The following CCDC88A variants were observed in gnomAD, a reference collection of about 807,000 sequenced individuals.
CCDC88A encodes the protein coiled-coil and HOOK domain protein 88A.
CCDC88A carries 54 observed loss-of-function variants against 234.3 expected under a neutral mutation model. The observed-to-expected ratio is 0.23, with a 90% CI of 0.19 to 0.29. The LOEUF is 0.29. Among genes scored for constraint, CCDC88A ranks in the 10% least tolerant of loss-of-function variants. The pLI, the probability that CCDC88A is intolerant of heterozygous loss-of-function variation, is 1.00. For synonymous variants in CCDC88A, 753 were observed against 737.8 expected, an observed-to-expected ratio of 1.02 and a Z score of -0.33; for missense variants, 1,832 against 2,123.4, an observed-to-expected ratio of 0.86 and a Z score of 2.70.
chr2:55,358,420 G>A (rs1346027244), intron 7 of CCDC88A, among the ~76,000 whole-genome samples: 1 of 152,136 alleles, frequency 6.6e-6, no homozygotes, highest in Non-Finnish European at 1.5e-5. Flanking sequence ...AGAAAAACAA[G>A]AAGTTACACA....
intron 5 of CCDC88A, among the ~76,000 whole-genome samples, chr2:55,367,985 A>AAC (rs1337872513): frequency 6.6e-6 from 1 of 152,228 alleles, no homozygotes; most frequent in African/African-American, 2.4e-5. Context: ...CTAAAAAGAG[A>AAC]TGAATTTCAC....
At chr2:55,343,949 CG>C (rs1558706810) in intron 11 of CCDC88A, 157 bp from the exon 12 acceptor site, 1 of 570,932 alleles carries the variant, frequency 1.8e-6, no homozygotes, top group African/African-American at 1.9e-5. Flanking sequence ...TAATTATTAC[CG>C]GTCATTATAC....
Position 55,334,782 on chromosome 2 carries a change from T to G in CCDC88A, c.2039A>C (p.Asp680Ala). 2 of 1,592,528 alleles carry G rather than the reference T, an allele frequency of 1.3e-6. No individual in the cohort carries two copies. Among genetic ancestry groups the G allele is most frequent in the Non-Finnish European group, 1.7e-6 (2 of 1,172,696 alleles). ...RENRKLKKTLDSFKNLTFQLE... is the reference protein window; with the variant it reads ...RENRKLKKTLASFKNLTFQLE... ...CTGAAAGGTCAGATTTTTAAAGCTATCCAATGTTTTTTTTAATTTTCTATT... is the reference window on the plus strand; with the variant it reads ...CTGAAAGGTCAGATTTTTAAAGCTAGCCAATGTTTTTTTTAATTTTCTATT... The change falls in exon 15 of 33, where the codon GAT (aspartate) becomes GCT (alanine). Residue 680 changes from aspartate (D) to alanine (A), a missense_variant. Around this residue, in one of 6 missense-constraint regions of CCDC88A, gnomAD observed 1,282 missense variants for 1,543.6 expected, o/e 0.83. Transcript: ENST00000436346. The surrounding 1 kb of genome is among the most constrained non-coding windows in gnomAD (Gnocchi z 6.1).
chr2:55,327,235 C>CTA (rs1684380087), intron 17 of CCDC88A, among the ~76,000 whole-genome samples: 1 of 152,118 alleles, frequency 6.6e-6, no homozygotes, highest in Admixed American at 6.5e-5. Context: ...CTGGAACATT[C>CTA]TATGTTACTA....
At chr2:55,336,860 G>GT (rs1175246514) in intron 13 of CCDC88A, 42 bp from the exon 14 acceptor site, 2 of 1,290,814 alleles carry the variant, frequency 1.5e-6, no homozygotes, top group Non-Finnish European at 2.2e-6. Context: ...TAAATATTCT[G>GT]TAACAGTGAA....
chr2:55,401,511 T>C (rs79555656), intron 2 of CCDC88A, among the ~76,000 whole-genome samples: 987 of 2,994 alleles, frequency 0.33, 50 homozygotes, highest in East Asian at 0.41. Context: ...TATATATATA[T>C]ATATATATAT....
At chr2:55,307,975 T>G (rs1681833782) in intron 25 of CCDC88A, 1 of 113,416 alleles carries the variant, frequency 8.8e-6, no homozygotes, top group Admixed American at 1.3e-4. Flanking sequence ...TTTCTTTCTT[T>G]CTTTTTTTTT....
intron 2 of CCDC88A, among the ~76,000 whole-genome samples, chr2:55,410,683 G>A (rs932326294): frequency 1.3e-5 from 2 of 151,820 alleles, no homozygotes; most frequent in Admixed American, 6.6e-5. Flanking sequence ...CAGGAGATTG[G>A]AACCAGAATG....
chr2:55,370,657 A>AG (rs1403513685), intron 5 of CCDC88A, among the ~76,000 whole-genome samples: 1 of 150,508 alleles, frequency 6.6e-6, no homozygotes, highest in Non-Finnish European at 1.5e-5. Flanking sequence ...AAAAAAAAAA[A>AG]AAAAAAAAAA....
At chr2:55,383,004 C>T (rs1674837522) in intron 3 of CCDC88A, among the ~76,000 whole-genome samples, 1 of 149,516 alleles carries the variant, frequency 6.7e-6, no homozygotes, top group Non-Finnish European at 1.5e-5. Context: ...ATTCAAGAAA[C>T]GGGAGAGGGA....
chr2:55,392,921 A>G (rs1469035187), intron 2 of CCDC88A, among the ~76,000 whole-genome samples: 1 of 152,150 alleles, frequency 6.6e-6, no homozygotes, highest in Non-Finnish European at 1.5e-5. Context: ...TTATTACTAT[A>G]GCTTTATTAT....
Position 55,335,043 on chromosome 2 carries a change from T to C in CCDC88A, c.1778A>G (p.His593Arg). ...KDIEKENKILHESIKETSSKL... is the reference protein window; with the variant it reads ...KDIEKENKILRESIKETSSKL... ...GCTACTTGTTTCTTTGATAGATTCA[T>C]GAAGAATTTTGTTTTCTTTTTCAAT... Residue 593 changes from histidine (H) to arginine (R), a missense_variant, in exon 15 of 33, where the codon CAT becomes CGT. His to Arg is a conservative substitution (Grantham distance 29). This residue lies in a region of CCDC88A where 1,282 missense variants were observed against 1,543.6 expected (regional missense o/e 0.83). Transcript: ENST00000436346. This position sits in a 1 kb window ranked among gnomAD's most constrained non-coding sequence, Gnocchi z 4.5. The C allele has an allele frequency of 6.2e-7, 1 of 1,611,406 alleles. No homozygotes were observed. Among genetic ancestry groups the C allele is most frequent in the Non-Finnish European group, 8.5e-7 (1 of 1,178,342 alleles).
rs183763116 is a variant in CCDC88A, at chr2:55,308,867, A to C, written c.4329T>G (p.Ser1443=). 2 of 1,614,042 alleles carry C rather than the reference A, an allele frequency of 1.2e-6. No individual in the cohort carries two copies. The highest frequency in any genetic ancestry group is 4.5e-5 in the East Asian group (2 of 44,876). The change falls in exon 25 of 33, where the codon TCT becomes TCG. Residue 1443 remains serine, a synonymous_variant. Coordinates refer to ENST00000436346, the MANE Select transcript of CCDC88A (RefSeq NM_001365480.1). ...QLPHQDSQDS[S]SVGSNSLEDG... ...CTTCTAAAGAGTTTGAACCTACTGA[A>C]GAACTATCTTGACTGTCTTGATGAG...
Position 55,307,607 on chromosome 2 carries a change from G to A in CCDC88A, c.4387+1202C>T, listed in dbSNP as rs915554624. Among the ~76,000 whole-genome samples the A allele has an allele frequency of 3.9e-5, 6 of 151,976 alleles. No individual in the cohort carries two copies. In the South Asian group the frequency reaches 6.2e-4, roughly 16 times the overall value. On this transcript the variant is annotated intron_variant, in intron 25 of 32. Coordinates refer to ENST00000436346, the MANE Select transcript of CCDC88A (RefSeq NM_001365480.1). The stretch of plus-strand genomic sequence containing the variant: ...CAACCTCAGGTGATCCGCCCGCCTC[G>A]CCATCCAAAGTGCTGGGATTACAGG...
intron 18 of CCDC88A, among the ~76,000 whole-genome samples, chr2:55,322,028 CTTG>C (rs1474533816): frequency 6.6e-6 from 1 of 151,066 alleles, no homozygotes; most frequent in Non-Finnish European, 1.5e-5. Context: ...AGTTTGTTTG[CTTG>C]TTGTTTACTG....
rs745883021 is a variant in CCDC88A, at chr2:55,362,416, C to T, written c.519G>A (p.Leu173=). ...ACATATCAGTCACTTCCATCCATTG[C>T]AGGTCAAACACATTTTCCTGATTAT... The part of the protein sequence containing the change: ...VTHNQENVFD[L]QWMEVTDMSQ... The change falls in exon 7 of 33, where the codon CTG becomes CTA. Residue 173 remains leucine, a synonymous_variant. Coordinates refer to ENST00000436346, the MANE Select transcript of CCDC88A (RefSeq NM_001365480.1). The T allele has an allele frequency of 5.0e-6, 8 of 1,604,330 alleles. No homozygotes were observed. The highest frequency in any genetic ancestry group is 6.8e-6 in the Non-Finnish European group (8 of 1,177,018).
intron 19 of CCDC88A, among the ~76,000 whole-genome samples, chr2:55,318,157 A>C (rs1683198324): frequency 6.6e-6 from 1 of 152,298 alleles, no homozygotes; most frequent in South Asian, 2.1e-4. Flanking sequence ...AAATGTATAG[A>C]ATTTGAAGTA....
intron 7 of CCDC88A, among the ~76,000 whole-genome samples, chr2:55,357,610 T>C (rs1010008260): frequency 6.6e-6 from 1 of 152,198 alleles, no homozygotes; most frequent in African/African-American, 2.4e-5. Flanking sequence ...GCTGTACTAC[T>C]ATTCTAGAAA....
intron 7 of CCDC88A, 82 bp downstream of exon 7, chr2:55,362,226 T>G: frequency 9.5e-7 from 1 of 1,056,326 alleles, no homozygotes; most frequent in Non-Finnish European, 1.4e-6. Context: ...AGAAATAGTA[T>G]CGTTTCTGAA....
Sources: gnomAD v4.1 joint callset for allele counts (sites outside exome capture counted in the v4.1 genomes callset) on GRCh38, gnomAD v4.1.1 for gene constraint, gnomAD v4.1.1 regional missense constraint, Gnocchi (gnomAD v3.1) non-coding constraint, MANE v1.5 for transcripts, NCBI Gene and HGNC (gene_info 2026-07-23, HGNC 2026-07-21) for gene names.